Variants in SLTM observed in about 807,000 individuals in gnomAD.
SLTM encodes SAFB like transcription modulator.
A neutral mutation model predicts 134.6 loss-of-function variants in SLTM; 43 were observed. That is an observed-to-expected ratio of 0.32 (90% CI 0.25 to 0.41). The LOEUF (loss-of-function observed/expected upper bound fraction) is 0.41, where lower values mean the gene tolerates loss of function less well. Ranked by LOEUF, SLTM falls within the 10% of genes least tolerant of loss-of-function variation. SLTM has a pLI of 1.00. For missense variants in SLTM, 1,055 were observed against 1,288.8 expected (o/e 0.82, Z 2.78); for synonymous variants, 424 against 432.3 (o/e 0.98, Z 0.24).
chr15:58,907,693 A>C (rs917090040), intron 5 of SLTM, among the ~76,000 whole-genome samples: 3 of 152,218 alleles, frequency 2.0e-5, no homozygotes, highest in Non-Finnish European at 4.4e-5. Context: ...GAAACTTCTC[A>C]AGTAAGCAGT....
chr15:58,896,624 A>G (rs150616461), intron 9 of SLTM, among the ~76,000 whole-genome samples: 1 of 152,144 alleles, frequency 6.6e-6, no homozygotes, highest in African/African-American at 2.4e-5. Flanking sequence ...ATAACTTTAT[A>G]TAAGTTTAAA....
intron 5 of SLTM, 127 bp downstream of exon 5, chr15:58,912,436 C>G: frequency 1.1e-6 from 1 of 883,326 alleles, no homozygotes; most frequent in Non-Finnish European, 1.8e-6. Flanking sequence ...GTGTACATCA[C>G]GTAAATAACT....
intron 2 of SLTM, among the ~76,000 whole-genome samples, chr15:58,920,248 G>C (rs1265041195): frequency 1.3e-5 from 2 of 151,860 alleles, no homozygotes; most frequent in Non-Finnish European, 2.9e-5. Context: ...TTGAACCGGG[G>C]AAGTGGAGGT....
rs772228204 is a variant in SLTM, at chr15:58,894,007, CAA to C, written c.1482-22_1482-21del. ...TGTGTCCTGACCATACCGCCCCAGA[CAA>C]AAAAACAGAATGAGTACTTCATAAT... On this transcript the variant is annotated intron_variant, in intron 11 of 20. Coordinates refer to ENST00000380516, the MANE Select transcript of SLTM (RefSeq NM_024755.4). 6.3e-7 allele frequency: 1 copy of C among 1,598,220 alleles called. No homozygotes were observed. Among genetic ancestry groups the C allele is most frequent in the Non-Finnish European group, 8.5e-7 (1 of 1,175,902 alleles).
intron 3 of SLTM, 32 bp from the exon 4 acceptor site, chr15:58,913,728 G>A (rs139664751): frequency 1.3e-6 from 2 of 1,585,442 alleles, no homozygotes; most frequent in Non-Finnish European, 1.7e-6. Flanking sequence ...GGTACAACTA[G>A]AGGCAAAGTA....
In SLTM at chr15:58,899,504, C is replaced by A; in HGVS notation, c.1023G>T (p.Gly341=). ...GACCAGAGGCCCCAGTAGACGAGGGCCCTTTCTTCAAAGTATCCTTTTCTT... is the reference window on the plus strand; with the variant it reads ...GACCAGAGGCCCCAGTAGACGAGGGACCTTTCTTCAAAGTATCCTTTTCTT... ...GDKEKDTLKK[G]PSSTGASGQA... is the part of the protein sequence containing the mutation. The change falls in exon 7 of 21, where the codon GGG becomes GGT. Residue 341 remains glycine, a synonymous_variant. Transcript: ENST00000380516. The surrounding 1 kb of genome is among the most constrained non-coding windows in gnomAD (Gnocchi z 5.0). 1.2e-6 allele frequency: 2 copies of A among 1,614,128 alleles called. No individual in the cohort carries two copies. Among genetic ancestry groups the A allele is most frequent in the Non-Finnish European group, 1.7e-6 (2 of 1,179,986 alleles).
chr15:58,902,682 T>G (rs1222493067), intron 5 of SLTM, among the ~76,000 whole-genome samples: 1 of 151,182 alleles, frequency 6.6e-6, no homozygotes, highest in Non-Finnish European at 1.5e-5. Context: ...TGTGAGCCAC[T>G]GTGCCCTACC....
intron 19 of SLTM, among the ~76,000 whole-genome samples, chr15:58,885,835 C>T (rs1043284071): frequency 3.9e-4 from 59 of 151,980 alleles, no homozygotes; most frequent in African/African-American, 1.2e-3. Flanking sequence ...CACACACACA[C>T]ACTGTATTAA....
intron 5 of SLTM, among the ~76,000 whole-genome samples, chr15:58,908,367 A>T (rs1244551143): frequency 6.6e-6 from 1 of 151,052 alleles, no homozygotes; most frequent in Non-Finnish European, 1.5e-5. Flanking sequence ...AGCCAGATTA[A>T]ATTTTCTACT....
chr15:58,888,852 C>A, intron 16 of SLTM: 1 of 241,272 alleles, frequency 4.1e-6, no homozygotes, highest in South Asian at 1.0e-4. Flanking sequence ...ATGGAAAAGA[C>A]AAATAAAATA....
chr15:58,892,275 T>G (rs2034708497), intron 14 of SLTM, among the ~76,000 whole-genome samples: 2 of 152,244 alleles, frequency 1.3e-5, no homozygotes, highest in Admixed American at 1.3e-4. Context: ...TGTTGAGATA[T>G]GGCCACTAAA....
Position 58,908,411 on chromosome 15 carries a change from G to A in SLTM, c.561+4152C>T, listed in dbSNP as rs531612256. 1.1e-4 allele frequency among the ~76,000 whole-genome samples: 17 copies of A among 151,582 alleles called. No individual in the cohort carries two copies. In the East Asian group the frequency reaches 3.1e-3, roughly 28 times the overall value. On this transcript the variant is annotated intron_variant, in intron 5 of 20. Coordinates refer to ENST00000380516, the MANE Select transcript of SLTM (RefSeq NM_024755.4). ...AGATAGGGTCTTGCTCTATTGCCCAGGTTGGAGTACAGTGGTGTGATCTTG... is the reference window on the plus strand; with the variant it reads ...AGATAGGGTCTTGCTCTATTGCCCAAGTTGGAGTACAGTGGTGTGATCTTG...
chr15:58,890,966 T>C (rs1292261220), intron 14 of SLTM, among the ~76,000 whole-genome samples: 1 of 152,228 alleles, frequency 6.6e-6, no homozygotes, highest in Admixed American at 6.5e-5. Context: ...AAGGGCTATT[T>C]TGGAATGTTT....
intron 3 of SLTM, among the ~76,000 whole-genome samples, chr15:58,915,528 C>T (rs2036572421): frequency 6.6e-6 from 1 of 152,090 alleles, no homozygotes; most frequent in Non-Finnish European, 1.5e-5. Context: ...AACAAAGGAA[C>T]AAACCTGATG....
chr15:58,880,576 A>G (rs2033614918), intron 20 of SLTM, among the ~76,000 whole-genome samples: 1 of 152,060 alleles, frequency 6.6e-6, no homozygotes, highest in Admixed American at 6.6e-5. Context: ...ATATATTTTT[A>G]GACAGGGCCT....
chr15:58,898,168 A>T (rs763154753), intron 8 of SLTM: 1 of 152,142 alleles, frequency 6.6e-6, no homozygotes, highest in Non-Finnish European at 1.5e-5. Context: ...ATTCTCCTTT[A>T]CACATTTAGG....
intron 2 of SLTM, among the ~76,000 whole-genome samples, chr15:58,929,238 G>T (rs577963928): frequency 6.6e-6 from 1 of 152,130 alleles, no homozygotes. Context: ...ATTACCTGAG[G>T]TTGGGAGTTC....
At chr15:58,930,398 G>A (rs2037792544) in intron 2 of SLTM, among the ~76,000 whole-genome samples, 1 of 150,990 alleles carries the variant, frequency 6.6e-6, no homozygotes, top group Admixed American at 6.6e-5. Flanking sequence ...TCAAACTGCT[G>A]GGATTACAGG....
intron 15 of SLTM, 51 bp from the exon 16 acceptor site, chr15:58,889,605 G>C (rs1291043044): frequency 4.4e-6 from 7 of 1,607,562 alleles, no homozygotes; most frequent in Admixed American, 1.7e-5. Flanking sequence ...GAAAACATAA[G>C]ATAAGTATAC....
Sources: gnomAD v4.1 joint callset for allele counts (sites outside exome capture counted in the v4.1 genomes callset) on GRCh38, gnomAD v4.1.1 for gene constraint, Gnocchi (gnomAD v3.1) non-coding constraint, MANE v1.5 for transcripts, NCBI Gene and HGNC (gene_info 2026-07-23, HGNC 2026-07-21) for gene names.